LRRTM4: variants seen among roughly 807,000 people sequenced by gnomAD.
The protein encoded by LRRTM4 is leucine-rich repeat transmembrane neuronal protein 4.
LRRTM4 carries 25 observed loss-of-function variants against 47.6 expected under a neutral mutation model. That is an observed-to-expected ratio of 0.53 (90% CI 0.38 to 0.73). The LOEUF is 0.73. Among genes scored for constraint, LRRTM4 ranks in the 30% least tolerant of loss-of-function variants. The pLI is 0.00. For synonymous variants in LRRTM4, 311 were observed against 269.5 expected, an observed-to-expected ratio of 1.15 and a Z score of -1.51; for missense variants, 638 against 713.4, an observed-to-expected ratio of 0.89 and a Z score of 1.20.
chr2:76,768,839 T>C (rs1305115679), intron 3 of LRRTM4, among the ~76,000 whole-genome samples: 4 of 152,134 alleles, frequency 2.6e-5, no homozygotes, highest in African/African-American at 4.8e-5. Flanking sequence ...AACCGGTAAA[T>C]ATTTCTGAAT....
chr2:77,030,894 C>A (rs962904137), intron 3 of LRRTM4, among the ~76,000 whole-genome samples: 1 of 152,196 alleles, frequency 6.6e-6, no homozygotes, highest in Non-Finnish European at 1.5e-5. Flanking sequence ...CCCATCAAAG[C>A]TCAAACACTC....
chr2:77,074,019 T>C (rs1337622289), intron 3 of LRRTM4, among the ~76,000 whole-genome samples: 2 of 152,268 alleles, frequency 1.3e-5, no homozygotes. Context: ...TGTGTACATT[T>C]ATATTTTTCC....
intron 3 of LRRTM4, among the ~76,000 whole-genome samples, chr2:77,354,972 T>C (rs1048335193): frequency 1.3e-5 from 2 of 151,728 alleles, no homozygotes; most frequent in African/African-American, 2.4e-5. Flanking sequence ...TAGAAGGGAA[T>C]GAAAACAATT....
At chr2:76,904,955 G>A (rs540813034) in intron 3 of LRRTM4, among the ~76,000 whole-genome samples, 48 of 152,208 alleles carry the variant, frequency 3.2e-4, no homozygotes, top group African/African-American at 1.1e-3. Context: ...GCAGAAGATG[G>A]GTGATTTCTG....
chr2:77,359,677 C>T (rs2104311972), intron 3 of LRRTM4, among the ~76,000 whole-genome samples: 1 of 152,316 alleles, frequency 6.6e-6, no homozygotes, highest in African/African-American at 2.4e-5. Context: ...ACACATTTTT[C>T]ATTGGCCAAG....
At chr2:77,379,132 A>T (rs535430873) in intron 3 of LRRTM4, among the ~76,000 whole-genome samples, 54 of 152,130 alleles carry the variant, frequency 3.5e-4, no homozygotes, top group African/African-American at 1.2e-3. Flanking sequence ...TCTAATATGT[A>T]TTTCTTTCAA....
chr2:77,498,543 C>T (rs1398682025), intron 3 of LRRTM4, among the ~76,000 whole-genome samples: 1 of 151,784 alleles, frequency 6.6e-6, no homozygotes, highest in Non-Finnish European at 1.5e-5. Context: ...CAAACAAGCA[C>T]AGTAATAGTC....
chr2:76,808,502 A>G (rs2103809787), intron 3 of LRRTM4, among the ~76,000 whole-genome samples: 1 of 151,916 alleles, frequency 6.6e-6, no homozygotes, highest in African/African-American at 2.4e-5. Context: ...CCTGAAATCC[A>G]ATCATGCCGA....
At chr2:77,456,067 C>T (rs868544933) in intron 3 of LRRTM4, among the ~76,000 whole-genome samples, 1 of 152,086 alleles carries the variant, frequency 6.6e-6, no homozygotes, top group African/African-American at 2.4e-5. Context: ...CTACCTTGAG[C>T]TCTTTCATCA....
intron 3 of LRRTM4, among the ~76,000 whole-genome samples, chr2:77,364,258 T>TCCTCTGTAC: frequency 6.6e-6 from 1 of 152,250 alleles, no homozygotes; most frequent in East Asian, 1.9e-4. Context: ...TACCTTCTGC[T>TCCTCTGTAC]CCTCTGTACA....
At chr2:77,171,426 G>A (rs7578916) in intron 3 of LRRTM4, among the ~76,000 whole-genome samples, 9 of 151,742 alleles carry the variant, frequency 5.9e-5, no homozygotes, top group Non-Finnish European at 7.4e-5. Context: ...ACAAGAGGCC[G>A]CCACCACACC....
At chr2:76,888,974 G>A (rs528141599) in intron 3 of LRRTM4, among the ~76,000 whole-genome samples, 1 of 151,800 alleles carries the variant, frequency 6.6e-6, no homozygotes, top group African/African-American at 2.4e-5. Flanking sequence ...TCAACAAATA[G>A]CTTTGGGCTT....
intron 3 of LRRTM4, among the ~76,000 whole-genome samples, chr2:77,187,016 A>G (rs1262156577): frequency 6.6e-6 from 1 of 152,158 alleles, no homozygotes; most frequent in East Asian, 1.9e-4. Flanking sequence ...TCCATTATCC[A>G]TTGCAGTACA....
intron 3 of LRRTM4, among the ~76,000 whole-genome samples, chr2:77,204,230 G>A (rs932174444): frequency 6.6e-6 from 1 of 152,142 alleles, no homozygotes; most frequent in Non-Finnish European, 1.5e-5. Context: ...GTGAAATACT[G>A]TGAGCTTCAC....
At chr2:76,755,678 C>T (rs1180456126) in intron 3 of LRRTM4, among the ~76,000 whole-genome samples, 1 of 152,060 alleles carries the variant, frequency 6.6e-6, no homozygotes, top group African/African-American at 2.4e-5. Flanking sequence ...TTGAGCAGTT[C>T]CCTGAACCTG....
chr2:76,836,617 G>A (rs1274780851), intron 3 of LRRTM4, among the ~76,000 whole-genome samples: 1 of 151,680 alleles, frequency 6.6e-6, no homozygotes, highest in Non-Finnish European at 1.5e-5. Context: ...CATGCTTTAT[G>A]TAAATATCAC....
chr2:76,887,239 CA>C (rs986193113), intron 3 of LRRTM4, among the ~76,000 whole-genome samples: 4 of 151,584 alleles, frequency 2.6e-5, no homozygotes, highest in African/African-American at 9.7e-5. Context: ...TATATAGTAT[CA>C]TATGTCAAAG....
chr2:77,456,925 T>C (rs1192513456), intron 3 of LRRTM4, among the ~76,000 whole-genome samples: 1 of 147,202 alleles, frequency 6.8e-6, no homozygotes, highest in Non-Finnish European at 1.5e-5. Context: ...TATGAATCTA[T>C]AATAAACATA....
chr2:77,137,654 T>G (rs572905631), intron 3 of LRRTM4, among the ~76,000 whole-genome samples: 2 of 151,930 alleles, frequency 1.3e-5, no homozygotes, highest in East Asian at 1.9e-4. Context: ...TGGACTAAAT[T>G]CTCCAATCAA....
Sources: allele counts gnomAD v4.1 joint callset (sites outside exome capture counted in the v4.1 genomes callset), GRCh38; gene constraint gnomAD v4.1.1; transcripts MANE v1.5; gene names NCBI Gene and HGNC (gene_info 2026-07-23, HGNC 2026-07-21).